Variants in GPR158 observed in about 807,000 individuals in gnomAD.
The protein encoded by GPR158 is G protein-coupled receptor 158.
In GPR158, 30 loss-of-function variants were observed where a neutral mutation model predicts 78.2. That is an observed-to-expected ratio of 0.38 (90% confidence interval 0.29 to 0.52). The LOEUF (loss-of-function observed/expected upper bound fraction) is 0.52. Among genes scored for constraint, GPR158 ranks in the 20% least tolerant of loss-of-function variants. GPR158 has a pLI of 0.83. For missense variants in GPR158, 1,463 were observed against 1,523.5 expected, an observed-to-expected ratio of 0.96 and a Z score of 0.66; for synonymous variants, 581 against 591.1, an observed-to-expected ratio of 0.98 and a Z score of 0.25.
At chr10:25,252,964 A>T (rs577293147) in intron 2 of GPR158, among the ~76,000 whole-genome samples, 1 of 152,248 alleles carries the variant, frequency 6.6e-6, no homozygotes, top group Non-Finnish European at 1.5e-5. Flanking sequence ...GCAATCAGCG[A>T]GATTCCGTGG....
chr10:25,405,602 C>A (rs1370193500), intron 3 of GPR158, among the ~76,000 whole-genome samples: 2 of 132,406 alleles, frequency 1.5e-5, no homozygotes, highest in Non-Finnish European at 3.1e-5. Flanking sequence ...AAAAGCCCTG[C>A]TTGGGTAGTT....
rs73608276 is a variant in GPR158, at chr10:25,334,669, C to G, written c.1009-61242C>G. On this transcript the variant is annotated intron_variant, in intron 2 of 10. Transcript: ENST00000376351. The stretch of plus-strand genomic sequence containing the variant: ...TTGTTACAGAATTGCTGGCTCACTT[C>G]AGGCATTTAATGTCTATGTGACCCA... Among the ~76,000 whole-genome samples, 1,242 of 152,144 alleles carry G rather than the reference C, an allele frequency of 8.2e-3. 21 individuals carry two copies. The highest frequency in any genetic ancestry group is 0.028 in the African/African-American group (1,173 of 41,526).
intron 5 of GPR158, among the ~76,000 whole-genome samples, chr10:25,488,110 G>A (rs1022360672): frequency 6.6e-6 from 1 of 152,142 alleles, no homozygotes; most frequent in African/African-American, 2.4e-5. Context: ...GTATGGAAGT[G>A]GATAGTCCAA....
At chr10:25,467,848 CTG>C (rs1207394732) in intron 5 of GPR158, among the ~76,000 whole-genome samples, 1 of 152,144 alleles carries the variant, frequency 6.6e-6, no homozygotes, top group African/African-American at 2.4e-5. Context: ...AAGTTCCTGT[CTG>C]TGTCTCAAGT....
At chr10:25,333,083 A>C (rs1855149473) in intron 2 of GPR158, among the ~76,000 whole-genome samples, 1 of 152,162 alleles carries the variant, frequency 6.6e-6, no homozygotes. Context: ...ATAGAGTCTT[A>C]CCAACGAGAG....
rs1438800735 is a variant in GPR158 at position 25,596,643 on chromosome 10, T to G, written c.1999T>G (p.Phe667Val). The G allele has an allele frequency of 6.2e-7, 1 of 1,611,938 alleles. No individual in the cohort carries two copies. The highest frequency in any genetic ancestry group is 8.5e-7 in the Non-Finnish European group (1 of 1,178,822). Reference sequence around the variant, plus strand: ...ACTGCTCATACTGAATTTGTTTCAGTTTTCACATTCAAGCAATAACCCACG... The same window carrying G: ...ACTGCTCATACTGAATTTGTTTCAGGTTTCACATTCAAGCAATAACCCACG... ...VTIGLLLIPK[F>V]SHSSNNPRDD... The change falls in exon 10 of 11, where the codon TTT (phenylalanine) becomes GTT (valine). Residue 667 changes from phenylalanine to valine, a missense_variant and splice_region_variant. Physicochemically the swap from Phe to Val is conservative, Grantham distance 50. Transcript: ENST00000376351.
intron 1 of GPR158, among the ~76,000 whole-genome samples, chr10:25,180,558 C>A (rs980710869): frequency 6.6e-6 from 1 of 152,106 alleles, no homozygotes; most frequent in Non-Finnish European, 1.5e-5. Flanking sequence ...TTTGGGCCAA[C>A]AATGCAACCA....
intron 6 of GPR158, among the ~76,000 whole-genome samples, chr10:25,554,257 T>C (rs749651352): frequency 6.6e-6 from 1 of 152,148 alleles, no homozygotes; most frequent in Non-Finnish European, 1.5e-5. Flanking sequence ...AAATTAAAAG[T>C]AAACCATACC....
intron 2 of GPR158, among the ~76,000 whole-genome samples, chr10:25,335,152 C>A (rs1855179568): frequency 1.3e-5 from 2 of 152,020 alleles, no homozygotes. Flanking sequence ...CTAGAATAAT[C>A]CAACAAACTT....
At chr10:25,306,016 C>T (rs1437548368) in intron 2 of GPR158, among the ~76,000 whole-genome samples, 1 of 152,038 alleles carries the variant, frequency 6.6e-6, no homozygotes, top group Non-Finnish European at 1.5e-5. Flanking sequence ...GATTTTTCCT[C>T]CCTCTCTACT....
chr10:25,400,756 A>C (rs1263268887), intron 3 of GPR158, among the ~76,000 whole-genome samples: 1 of 152,166 alleles, frequency 6.6e-6, no homozygotes, highest in Non-Finnish European at 1.5e-5. Flanking sequence ...TTTTGTGTGG[A>C]TATAGTACCA....
chr10:25,271,730 C>T (rs561670839), intron 2 of GPR158, among the ~76,000 whole-genome samples: 37 of 152,092 alleles, frequency 2.4e-4, no homozygotes, highest in Non-Finnish European at 5.1e-4. Context: ...GGTGCGATCT[C>T]GGCTCACTGC....
intron 7 of GPR158, among the ~76,000 whole-genome samples, chr10:25,581,119 G>A (rs1216871265): frequency 4.0e-5 from 6 of 151,518 alleles, no homozygotes; most frequent in Admixed American, 3.3e-4. Context: ...TAGTAGAGAC[G>A]GGGTTTCACC....
At chr10:25,330,057 A>G (rs947793328) in intron 2 of GPR158, among the ~76,000 whole-genome samples, 2 of 151,240 alleles carry the variant, frequency 1.3e-5, no homozygotes, top group Non-Finnish European at 2.9e-5. Context: ...GTACATGTGC[A>G]CATTGTGCAG....
intron 5 of GPR158, among the ~76,000 whole-genome samples, chr10:25,505,910 C>A (rs1836007574): frequency 6.6e-6 from 1 of 152,226 alleles, no homozygotes; most frequent in Non-Finnish European, 1.5e-5. Context: ...GTCCTTCTAC[C>A]AGTACACGTT....
Position 25,601,298 on chromosome 10 carries a change from T to A in GPR158, c.*2024T>A, listed in dbSNP as rs145766339. Reference sequence around the variant, plus strand: ...ATTACTCAGGTTGGTGGGGTCGGTTTGAGAAGATATAGAAATTCTATTTTT... The same window carrying A: ...ATTACTCAGGTTGGTGGGGTCGGTTAGAGAAGATATAGAAATTCTATTTTT... On this transcript the variant is annotated 3_prime_UTR_variant, in exon 11 of 11. Transcript: ENST00000376351. 2.0e-5 allele frequency: 3 copies of A among 152,776 alleles called. No individual in the cohort carries two copies. The highest frequency in any genetic ancestry group is 7.2e-5 in the African/African-American group (3 of 41,584). 9.5% of individuals were successfully genotyped at this position (152,776 alleles called of 1,614,324 possible).
At chr10:25,188,632 T>G (rs1336824149) in intron 1 of GPR158, among the ~76,000 whole-genome samples, 1 of 152,108 alleles carries the variant, frequency 6.6e-6, no homozygotes, top group East Asian at 1.9e-4. Context: ...AAAAATTAAT[T>G]CAAGATGGAT....
At chr10:25,406,429 C>T (rs1834516678) in intron 3 of GPR158, among the ~76,000 whole-genome samples, 1 of 152,074 alleles carries the variant, frequency 6.6e-6, no homozygotes, top group Admixed American at 6.6e-5. Flanking sequence ...CCTTGTCTTA[C>T]TATATCTGAT....
intron 2 of GPR158, among the ~76,000 whole-genome samples, chr10:25,281,891 C>T (rs1854280095): frequency 6.6e-6 from 1 of 152,252 alleles, no homozygotes; most frequent in South Asian, 2.1e-4. Flanking sequence ...AGATCCATTA[C>T]AAGGATACCA....
Sources: gnomAD v4.1 joint callset for allele counts (sites outside exome capture counted in the v4.1 genomes callset) on GRCh38, gnomAD v4.1.1 for gene constraint, MANE v1.5 for transcripts, NCBI Gene and HGNC (gene_info 2026-07-23, HGNC 2026-07-21) for gene names.